Variants in MYO3B observed in about 807,000 individuals in gnomAD.
MYO3B encodes the protein myosin-IIIb.
MYO3B carries 156 observed loss-of-function variants against 174.6 expected under a neutral mutation model. The observed-to-expected ratio is 0.89, with a 90% CI of 0.78 to 1.02. MYO3B has a LOEUF of 1.02. MYO3B is among the 50% of genes least tolerant of loss of function. The pLI is 0.00. For synonymous variants in MYO3B, 563 were observed against 569.1 expected (o/e 0.99, Z 0.15); for missense variants, 1,632 against 1,639.4 (o/e 1.00, Z 0.08).
At chr2:170,549,402 G>A (rs1690739594) in intron 32 of MYO3B, among the ~76,000 whole-genome samples, 1 of 152,156 alleles carries the variant, frequency 6.6e-6, no homozygotes, top group Non-Finnish European at 1.5e-5. Flanking sequence ...TGTGGAACCT[G>A]GCATCAGGCA....
intron 16 of MYO3B, 151 bp from the exon 17 acceptor site, chr2:170,400,037 C>A: frequency 1.0e-6 from 1 of 955,378 alleles, no homozygotes; most frequent in Non-Finnish European, 1.6e-6. Flanking sequence ...CGACCTCTAA[C>A]TGCAAAGAAG....
chr2:170,509,264 G>A (rs1687814639), intron 28 of MYO3B, among the ~76,000 whole-genome samples: 1 of 152,184 alleles, frequency 6.6e-6, no homozygotes, highest in African/African-American at 2.4e-5. Flanking sequence ...GGCTGAGCAG[G>A]GAGGATTGCA....
intron 9 of MYO3B, among the ~76,000 whole-genome samples, chr2:170,378,312 A>G (rs1361218338): frequency 2.6e-5 from 4 of 152,178 alleles, no homozygotes; most frequent in Non-Finnish European, 5.9e-5. Flanking sequence ...GAAGGCAGAA[A>G]TAGTGCTACA....
intron 7 of MYO3B, among the ~76,000 whole-genome samples, chr2:170,276,302 C>T (rs182953336): frequency 3.3e-5 from 5 of 152,158 alleles, no homozygotes; most frequent in East Asian, 3.9e-4. Context: ...ACAAATTGGT[C>T]GTCTGTTATT....
Position 170,383,832 on chromosome 2 carries a change from T to C in MYO3B, c.1290+18T>C. The C allele has an allele frequency of 6.3e-7, 1 of 1,582,390 alleles. No individual in the cohort carries two copies. Among genetic ancestry groups the C allele is most frequent in the South Asian group, 1.1e-5 (1 of 90,386 alleles). On this transcript the variant is annotated intron_variant, in intron 12 of 34. Coordinates refer to ENST00000408978, the MANE Select transcript of MYO3B (RefSeq NM_138995.5). ...AAGACCAGGTAAGAACTCACCTTCCTTTCCTACGGAGTCACCCAGTTAAGA... is the reference window on the plus strand; with the variant it reads ...AAGACCAGGTAAGAACTCACCTTCCCTTCCTACGGAGTCACCCAGTTAAGA...
At chr2:170,463,955 ACAT>A in intron 24 of MYO3B, among the ~76,000 whole-genome samples, 1 of 152,176 alleles carries the variant, frequency 6.6e-6, no homozygotes, top group African/African-American at 2.4e-5. Flanking sequence ...CAAAGATAAG[ACAT>A]ATACACTCTT....
chr2:170,362,560 A>G (rs911239394), intron 8 of MYO3B, among the ~76,000 whole-genome samples: 16 of 151,848 alleles, frequency 1.1e-4, no homozygotes, highest in African/African-American at 3.6e-4. Context: ...TCTCCATCCT[A>G]CCTTCTTGGG....
At chr2:170,331,541 G>A (rs1017569691) in intron 7 of MYO3B, among the ~76,000 whole-genome samples, 4 of 152,026 alleles carry the variant, frequency 2.6e-5, no homozygotes, top group Admixed American at 2.0e-4. Flanking sequence ...TTCTATTACC[G>A]TCATAACAAA....
At chr2:170,427,440 C>A (rs1231890292) in intron 22 of MYO3B, among the ~76,000 whole-genome samples, 1 of 152,208 alleles carries the variant, frequency 6.6e-6, no homozygotes, top group African/African-American at 2.4e-5. Context: ...TAACTTCATT[C>A]TTTAACACCA....
At chr2:170,596,229 T>A (rs998853844) in intron 32 of MYO3B, among the ~76,000 whole-genome samples, 2 of 152,212 alleles carry the variant, frequency 1.3e-5, no homozygotes, top group Admixed American at 1.3e-4. Context: ...CTGTTTGTGA[T>A]TCTGGCTGGG....
At chr2:170,601,534 T>C in intron 32 of MYO3B, 1 of 905,964 alleles carries the variant, frequency 1.1e-6, no homozygotes, top group African/African-American at 1.7e-5. Flanking sequence ...TTAATTTTTT[T>C]ATTTAAAAGG....
chr2:170,619,734 A>ATTTTTTTT (rs1553539465), intron 32 of MYO3B, among the ~76,000 whole-genome samples: 20 of 33,538 alleles, frequency 6.0e-4, no homozygotes, highest in Middle Eastern at 0.028. Context: ...CTGCTGCCAT[A>ATTTTTTTT]TTCTTTTTTT....
intron 6 of MYO3B, among the ~76,000 whole-genome samples, chr2:170,234,170 C>A (rs1243684148): frequency 4.6e-3 from 222 of 48,556 alleles, no homozygotes; most frequent in African/African-American, 8.3e-3. Flanking sequence ...GACTCCGTCT[C>A]AAAAAAAAAA....
intron 33 of MYO3B, 68 bp from the exon 34 acceptor site, chr2:170,652,040 T>C: frequency 3.3e-6 from 5 of 1,519,106 alleles, no homozygotes; most frequent in Non-Finnish European, 4.5e-6. Context: ...CAACACAAAA[T>C]CACTTTGAAT....
chr2:170,335,351 C>T (rs752364307), intron 7 of MYO3B, 34 bp from the exon 8 acceptor site: 1 of 1,528,442 alleles, frequency 6.5e-7, no homozygotes, highest in South Asian at 1.2e-5. Context: ...TGAAATTCTT[C>T]TTTCTTAAGA....
chr2:170,597,957 G>A (rs1225477443), intron 32 of MYO3B, among the ~76,000 whole-genome samples: 1 of 152,130 alleles, frequency 6.6e-6, no homozygotes, highest in Admixed American at 6.6e-5. Context: ...TCTCAACATA[G>A]CACCTAAACA....
chr2:170,563,031 T>TACACACACACACACACACACACACAC (rs56861648), intron 32 of MYO3B, among the ~76,000 whole-genome samples: 11 of 138,568 alleles, frequency 7.9e-5, no homozygotes. Context: ...AAAACATGCA[T>TACACACACACACACACACACACACAC]ACACACACAC....
rs184291462 is a variant in MYO3B at position 170,251,356 on chromosome 2, A to G, written c.749+15220A>G. On this transcript the variant is annotated intron_variant, in intron 7 of 34. Transcript: ENST00000408978. ...GGCAAGCTTGAAGAGATCTGCATTCAATCAAGATTGATTGCAAAATGCACC... is the reference window on the plus strand; with the variant it reads ...GGCAAGCTTGAAGAGATCTGCATTCGATCAAGATTGATTGCAAAATGCACC... Among the ~76,000 whole-genome samples the G allele has an allele frequency of 4.6e-4, 70 of 152,232 alleles. No homozygotes were observed. The East Asian group carries it at 0.011, about 24-fold the overall frequency.
chr2:170,269,552 C>G (rs144704167), intron 7 of MYO3B, among the ~76,000 whole-genome samples: 1 of 152,154 alleles, frequency 6.6e-6, no homozygotes, highest in Admixed American at 6.5e-5. Flanking sequence ...CAATTTGGCA[C>G]TATCAAAATT....
Sources: gnomAD v4.1 joint callset for allele counts (sites outside exome capture counted in the v4.1 genomes callset) on GRCh38, gnomAD v4.1.1 for gene constraint, MANE v1.5 for transcripts, NCBI Gene and HGNC (gene_info 2026-07-23, HGNC 2026-07-21) for gene names.